Variants in TNS3 observed in about 807,000 individuals in gnomAD.
TNS3 encodes tensin-3.
In TNS3, 45 loss-of-function variants were observed where a neutral mutation model predicts 140.9. The ratio of observed to expected loss-of-function variants is 0.32; its 90% confidence interval spans 0.25 to 0.41. The LOEUF is 0.41. Ranked by LOEUF, TNS3 falls within the 10% of genes least tolerant of loss-of-function variation. The probability of loss-of-function intolerance (pLI) is 1.00; values close to 1 mark genes in which losing one functional copy is unlikely to be tolerated. For synonymous variants in TNS3, 815 were observed against 788.4 expected (o/e 1.03, Z -0.56); for missense variants, 1,716 against 1,906.7 (o/e 0.90, Z 1.86).
In TNS3 at chr7:47,297,271, C is replaced by T. The variant is rs1158226857; in HGVS notation, c.3545-58G>A. 6 of 1,548,158 alleles carry T rather than the reference C, an allele frequency of 3.9e-6. No individual in the cohort carries two copies. The East Asian group carries it at 1.4e-4, about 35-fold the overall frequency. On this transcript the variant is annotated intron_variant, in intron 23 of 30. Transcript: ENST00000311160. ...TGCCGGGTGGACAAAGGTCTATGCC[C>T]ACTCATAACCTTGGGTAGGTCCTCT... is the stretch of plus-strand genomic sequence containing the variant.
intron 17 of TNS3, among the ~76,000 whole-genome samples, chr7:47,351,059 G>A (rs1252125608): frequency 1.3e-5 from 2 of 152,076 alleles, no homozygotes; most frequent in African/African-American, 2.4e-5. Context: ...CAGGGTTTTC[G>A]CCAGTAATAT....
In TNS3 at chr7:47,435,317, T is replaced by C; in HGVS notation, c.289A>G (p.Ser97Gly). The change falls in exon 8 of 31, where the codon AGC (serine) becomes GGC (glycine). Residue 97 changes from serine to glycine, a missense_variant. This residue lies in a region of TNS3 where 337 missense variants were observed against 428.9 expected (regional missense o/e 0.79). Transcript: ENST00000311160. Reference protein sequence around the residue: ...ICKAQESWLNSNLQHVVVIHC... With the variant: ...ICKAQESWLNGNLQHVVVIHC... ...ATGACGACCACATGCTGGAGGTTGCTGTTCAGCCAGGACTCCTGCGCCTTG... is the reference window on the plus strand; with the variant it reads ...ATGACGACCACATGCTGGAGGTTGCCGTTCAGCCAGGACTCCTGCGCCTTG... 6.2e-7 allele frequency: 1 copy of C among 1,614,174 alleles called. No individual in the cohort carries two copies. Among genetic ancestry groups the C allele is most frequent in the Non-Finnish European group, 8.5e-7 (1 of 1,180,026 alleles).
chr7:47,383,605 A>G (rs1791901092), intron 16 of TNS3, among the ~76,000 whole-genome samples: 2 of 152,348 alleles, frequency 1.3e-5, no homozygotes, highest in East Asian at 1.9e-4. Flanking sequence ...TAGAAACCAC[A>G]TGGTAACAAG....
chr7:47,564,829 A>T (rs1489159468), intron 1 of TNS3, among the ~76,000 whole-genome samples: 3 of 151,442 alleles, frequency 2.0e-5, no homozygotes, highest in Non-Finnish European at 2.9e-5. Flanking sequence ...CCCTATCCTC[A>T]TTCAGCTCTC....
intron 12 of TNS3, 143 bp downstream of exon 12, chr7:47,413,794 A>C: frequency 1.0e-6 from 1 of 991,586 alleles, no homozygotes; most frequent in Admixed American, 2.4e-5. Context: ...GATTTTCCCC[A>C]CTGGACTCTT....
intron 20 of TNS3, among the ~76,000 whole-genome samples, chr7:47,335,695 T>C (rs1317337659): frequency 6.6e-6 from 1 of 152,164 alleles, no homozygotes; most frequent in Non-Finnish European, 1.5e-5. Flanking sequence ...TCTGTTCTCC[T>C]AACAGCATCA....
chr7:47,493,591 G>A (rs1268146495), intron 3 of TNS3, among the ~76,000 whole-genome samples: 1 of 151,874 alleles, frequency 6.6e-6, no homozygotes, highest in Non-Finnish European at 1.5e-5. Context: ...GGCCAAGGCG[G>A]GTGGATCACG....
chr7:47,437,202 C>T lies in TNS3; in HGVS notation c.201+61G>A. ...AAAGACTAGTAGCAAATTATTTTTGCACAAAATAAGCATTGTTTACATTTT... is the reference window on the plus strand; with the variant it reads ...AAAGACTAGTAGCAAATTATTTTTGTACAAAATAAGCATTGTTTACATTTT... On this transcript the variant is annotated intron_variant, in intron 7 of 30. Transcript: ENST00000311160. 1.5e-5 allele frequency: 18 copies of T among 1,207,006 alleles called. 1 individual carries two copies. Among genetic ancestry groups the T allele is most frequent in the Non-Finnish European group, 2.1e-5 (18 of 851,436 alleles). The allele number at this position is 1,207,006 out of a possible 1,614,324, so 74.8% of individuals were successfully genotyped here.
At chr7:47,331,219 C>T (rs1365011463) in intron 20 of TNS3, among the ~76,000 whole-genome samples, 1 of 152,202 alleles carries the variant, frequency 6.6e-6, no homozygotes, top group Non-Finnish European at 1.5e-5. Flanking sequence ...CAGCAACAGG[C>T]TCTGCCCCAA....
At chr7:47,319,620 A>G (rs1787613346) in intron 20 of TNS3, among the ~76,000 whole-genome samples, 1 of 152,140 alleles carries the variant, frequency 6.6e-6, no homozygotes. Context: ...CCAGGGGGAG[A>G]AACCTCCCCT....
upstream of TNS3, chr7:47,582,570 G>A (rs1339668100): frequency 6.9e-6 from 3 of 436,954 alleles, no homozygotes; most frequent in Admixed American, 7.4e-5. Flanking sequence ...ATACATAAAG[G>A]AGCACAGCCG....
chr7:47,561,643 A>C (rs1285247400), intron 1 of TNS3, among the ~76,000 whole-genome samples: 1 of 152,210 alleles, frequency 6.6e-6, no homozygotes, highest in African/African-American at 2.4e-5. Flanking sequence ...TTTAAAATAA[A>C]ATTTGCTGAA....
chr7:47,366,015 A>C (rs1298268799), intron 17 of TNS3, among the ~76,000 whole-genome samples: 1 of 152,170 alleles, frequency 6.6e-6, no homozygotes, highest in African/African-American at 2.4e-5. Flanking sequence ...TCTTCTCCAC[A>C]TACACTCAGA....
intron 1 of TNS3, among the ~76,000 whole-genome samples, chr7:47,580,818 G>A (rs181500098): frequency 1.1e-3 from 171 of 152,198 alleles, no homozygotes; most frequent in Non-Finnish European, 2.1e-3. Flanking sequence ...AATGTCAAAG[G>A]GTTGGTTAGT....
rs540448215 is a variant in TNS3, at chr7:47,352,146, C to T, written c.2282-5790G>A. Among the ~76,000 whole-genome samples, 10 of 152,262 alleles carry T rather than the reference C, an allele frequency of 6.6e-5. No homozygotes were observed. In the South Asian group the frequency reaches 2.1e-3, roughly 32 times the overall value. ...TCACACACTCTTACACTCACACACC[C>T]TTGCACTAACACTCTCACCCACATT... On this transcript the variant is annotated intron_variant, in intron 17 of 30. Coordinates refer to ENST00000311160, the MANE Select transcript of TNS3 (RefSeq NM_022748.12).
chr7:47,478,334 C>T (rs1257594196), intron 4 of TNS3, among the ~76,000 whole-genome samples: 1 of 151,992 alleles, frequency 6.6e-6, no homozygotes, highest in Admixed American at 6.6e-5. Context: ...ACCTGGGGGC[C>T]AGCTGGTCAA....
At chr7:47,279,091 G>C (rs1219920987) in intron 30 of TNS3, 1 of 152,326 alleles carries the variant, frequency 6.6e-6, no homozygotes, top group Non-Finnish European at 1.5e-5. Flanking sequence ...CCCCACCGGG[G>C]AAGCCCAGCT....
At chr7:47,404,821 T>G (rs983772630) in intron 13 of TNS3, among the ~76,000 whole-genome samples, 1 of 151,952 alleles carries the variant, frequency 6.6e-6, no homozygotes, top group Non-Finnish European at 1.5e-5. Context: ...GAGGTGGAGC[T>G]TGCGGTGAGC....
intron 7 of TNS3, among the ~76,000 whole-genome samples, chr7:47,435,883 T>C (rs116382553): frequency 0.017 from 2,540 of 152,182 alleles, 63 homozygotes; most frequent in African/African-American, 0.058. Flanking sequence ...CCTTCAAAAC[T>C]CTAATTAAGT....
Sources: allele counts gnomAD v4.1 joint callset (sites outside exome capture counted in the v4.1 genomes callset), GRCh38; gene constraint gnomAD v4.1.1; regional missense constraint gnomAD v4.1.1; transcripts MANE v1.5; gene names NCBI Gene and HGNC (gene_info 2026-07-23, HGNC 2026-07-21).